The following ADAMTS18 variants were observed in gnomAD, a reference collection of about 807,000 sequenced individuals.
ADAMTS18 encodes the protein A disintegrin and metalloproteinase with thrombospondin motifs 18.
Under a neutral mutation model 165.9 loss-of-function variants are expected in ADAMTS18, and 157 were observed. The ratio of observed to expected loss-of-function variants is 0.95; its 90% CI spans 0.83 to 1.08. The LOEUF is 1.08. ADAMTS18 is among the 50% of genes least tolerant of loss of function. The pLI is 0.00. For missense variants in ADAMTS18, 2,040 were observed against 1,534.0 expected, an observed-to-expected ratio of 1.33 and a Z score of -5.51; for synonymous variants, 782 against 578.2, an observed-to-expected ratio of 1.35 and a Z score of -5.06.
intron 3 of ADAMTS18, among the ~76,000 whole-genome samples, chr16:77,415,689 G>A (rs899365872): frequency 1.5e-5 from 2 of 132,182 alleles, no homozygotes; most frequent in African/African-American, 5.7e-5. Flanking sequence ...AAGCTTCAAC[G>A]TTATCAGATG....
chr16:77,328,959 G>A (rs1422713078), intron 12 of ADAMTS18, among the ~76,000 whole-genome samples: 4 of 152,142 alleles, frequency 2.6e-5, no homozygotes, highest in Non-Finnish European at 5.9e-5. Flanking sequence ...TCAGGCCTGT[G>A]GACTCAGTCC....
chr16:77,313,576 C>G (rs937832991), intron 16 of ADAMTS18, among the ~76,000 whole-genome samples: 2 of 151,406 alleles, frequency 1.3e-5, no homozygotes, highest in Admixed American at 6.6e-5. Flanking sequence ...AGACGAACAA[C>G]AGAAAAAATG....
chr16:77,326,747 G>C (rs1204797743), intron 12 of ADAMTS18, among the ~76,000 whole-genome samples: 1 of 152,014 alleles, frequency 6.6e-6, no homozygotes, highest in Non-Finnish European at 1.5e-5. Context: ...TAGGTTCAGG[G>C]GTACATGTAA....
chr16:77,298,686 G>A (rs962679477), intron 17 of ADAMTS18, among the ~76,000 whole-genome samples: 2 of 152,234 alleles, frequency 1.3e-5, no homozygotes, highest in African/African-American at 2.4e-5. Flanking sequence ...AAGCTACTTA[G>A]GACGGTGAGG....
At chr16:77,372,856 C>T (rs1012100279) in intron 3 of ADAMTS18, among the ~76,000 whole-genome samples, 3 of 152,096 alleles carry the variant, frequency 2.0e-5, no homozygotes, top group East Asian at 3.9e-4. Flanking sequence ...AGGGTTTCCC[C>T]ACAACAGCCA....
intron 3 of ADAMTS18, among the ~76,000 whole-genome samples, chr16:77,410,749 A>G (rs1305926237): frequency 1.3e-5 from 2 of 152,160 alleles, no homozygotes; most frequent in African/African-American, 2.4e-5. Flanking sequence ...GGAGAAACTA[A>G]TAACACTGGA....
At chr16:77,393,161 C>G (rs930382158) in intron 3 of ADAMTS18, among the ~76,000 whole-genome samples, 2 of 152,154 alleles carry the variant, frequency 1.3e-5, no homozygotes, top group African/African-American at 4.8e-5. Context: ...AAACAGATGT[C>G]CAGAGCAGAA....
intron 3 of ADAMTS18, among the ~76,000 whole-genome samples, chr16:77,401,150 G>T (rs1473439847): frequency 2.6e-5 from 4 of 151,984 alleles, no homozygotes; most frequent in Non-Finnish European, 4.4e-5. Flanking sequence ...AGCTACTCAG[G>T]AGTCTGAGGC....
chr16:77,292,569 C>G (rs1328556225), intron 20 of ADAMTS18, among the ~76,000 whole-genome samples: 2 of 152,196 alleles, frequency 1.3e-5, no homozygotes, highest in African/African-American at 2.4e-5. Context: ...GAAGCTTGAG[C>G]TCTCCCATAA....
At chr16:77,390,563 G>GC (rs777207147) in intron 3 of ADAMTS18, among the ~76,000 whole-genome samples, 9 of 151,986 alleles carry the variant, frequency 5.9e-5, no homozygotes, top group Non-Finnish European at 1.2e-4. Flanking sequence ...GGTGGCGTGT[G>GC]CCTGTAATCC....
intron 12 of ADAMTS18, among the ~76,000 whole-genome samples, 199 bp downstream of exon 12, chr16:77,335,557 C>T (rs560534717): frequency 2.0e-5 from 3 of 151,764 alleles, no homozygotes; most frequent in Admixed American, 2.0e-4. Context: ...TGATGGATAC[C>T]TCATTATGCT....
intron 3 of ADAMTS18, among the ~76,000 whole-genome samples, chr16:77,396,522 G>A (rs560425777): frequency 1.3e-5 from 2 of 152,290 alleles, no homozygotes; most frequent in South Asian, 4.1e-4. Flanking sequence ...ACACAAGGCT[G>A]AAAAATCATT....
intron 10 of ADAMTS18, among the ~76,000 whole-genome samples, chr16:77,342,583 G>C (rs1021480730): frequency 6.6e-6 from 1 of 152,112 alleles, no homozygotes; most frequent in African/African-American, 2.4e-5. Context: ...GAGCCACCAG[G>C]CCTGGCCACC....
At chr16:77,362,076 T>C (rs778751883) in intron 7 of ADAMTS18, 29 bp downstream of exon 7, 8 of 1,613,072 alleles carry the variant, frequency 5.0e-6, no homozygotes, top group Non-Finnish European at 6.8e-6. Flanking sequence ...AGCTAACAGG[T>C]GTGTGTGAAG....
At chr16:77,333,353 C>A (rs1188659041) in intron 12 of ADAMTS18, among the ~76,000 whole-genome samples, 5 of 151,962 alleles carry the variant, frequency 3.3e-5, no homozygotes, top group Non-Finnish European at 5.9e-5. Context: ...ATACCTAATG[C>A]ACGTGGGGCT....
chr16:77,377,654 A>G (rs991974013), intron 3 of ADAMTS18, among the ~76,000 whole-genome samples: 5 of 152,240 alleles, frequency 3.3e-5, no homozygotes, highest in Non-Finnish European at 2.9e-5. Context: ...AAATACTAGC[A>G]AAGACATATT....
chr16:77,297,481 T>A (rs1597090834), intron 17 of ADAMTS18, 66 bp from the exon 18 acceptor site: 20 of 1,475,498 alleles, frequency 1.4e-5, no homozygotes, highest in Non-Finnish European at 1.6e-5. Context: ...GTTCTAAGTT[T>A]AGCTTCTGAT....
intron 3 of ADAMTS18, among the ~76,000 whole-genome samples, chr16:77,386,094 CT>C (rs2057103634): frequency 6.6e-6 from 1 of 152,148 alleles, no homozygotes; most frequent in African/African-American, 2.4e-5. Context: ...AATTCTATTT[CT>C]TTTTCACTTG....
intron 16 of ADAMTS18, among the ~76,000 whole-genome samples, chr16:77,314,190 G>A (rs2055837017): frequency 6.6e-6 from 1 of 152,130 alleles, no homozygotes; most frequent in Non-Finnish European, 1.5e-5. Flanking sequence ...AAGATGATGG[G>A]AGTTAACTCA....
Sources: gnomAD v4.1 joint callset for allele counts (sites outside exome capture counted in the v4.1 genomes callset) on GRCh38, gnomAD v4.1.1 for gene constraint, MANE v1.5 for transcripts, NCBI Gene and HGNC (gene_info 2026-07-23, HGNC 2026-07-21) for gene names.